The following SQOR variants were observed in gnomAD, a reference collection of about 807,000 sequenced individuals.
SQOR encodes the protein sulfide quinone oxidoreductase.
Under a neutral mutation model 48.6 loss-of-function variants are expected in SQOR, and 39 were observed. That is an observed-to-expected ratio of 0.80 (90% confidence interval 0.62 to 1.05). The LOEUF (loss-of-function observed/expected upper bound fraction) is 1.05, where lower values mean the gene tolerates loss of function less well. Ranked by LOEUF, SQOR falls within the 50% of genes least tolerant of loss-of-function variation. SQOR has a pLI of 0.00. For missense variants in SQOR, 561 were observed against 559.9 expected, an observed-to-expected ratio of 1.00 and a Z score of -0.02; for synonymous variants, 220 against 206.2, an observed-to-expected ratio of 1.07 and a Z score of -0.57.
Position 45,682,496 on chromosome 15 carries a change from A to G in SQOR, c.883A>G (p.Thr295Ala), listed in dbSNP as rs1381681733. ...TGTGTAGTATGAAATGCTTCATGTC[A>G]CACCTCCAATGAGCCCACCAGATGT... ...QVISYEMLHV[T>A]PPMSPPDVLK... Residue 295 changes from threonine to alanine, a missense_variant, in exon 7 of 10, where the codon ACA (threonine) becomes GCA (alanine). Physicochemically the swap from Thr to Ala is moderately conservative, Grantham distance 58. Transcript: ENST00000260324. The G allele has an allele frequency of 6.2e-7, 1 of 1,614,086 alleles. No individual in the cohort carries two copies. Among genetic ancestry groups the G allele is most frequent in the Admixed American group, 1.7e-5 (1 of 59,996 alleles).
chr15:45,661,897 A>G, intron 2 of SQOR, 58 bp from the exon 3 acceptor site: 3 of 1,538,298 alleles, frequency 2.0e-6, no homozygotes, highest in Non-Finnish European at 2.7e-6. Flanking sequence ...ACTGTTAGCT[A>G]TGACCCCTTT....
chr15:45,670,791 G>A (rs1889925772), intron 4 of SQOR, among the ~76,000 whole-genome samples: 1 of 152,190 alleles, frequency 6.6e-6, no homozygotes, highest in South Asian at 2.1e-4. Flanking sequence ...TTGTGGGAAA[G>A]TTCAGAGAAG....
chr15:45,662,600 A>G (rs1889741070), intron 3 of SQOR, among the ~76,000 whole-genome samples: 1 of 152,206 alleles, frequency 6.6e-6, no homozygotes, highest in Non-Finnish European at 1.5e-5. Context: ...TCTGAGGTTC[A>G]TGCCAGCGCT....
chr15:45,644,190 C>T (rs1462522665), intron 1 of SQOR, among the ~76,000 whole-genome samples: 1 of 152,014 alleles, frequency 6.6e-6, no homozygotes. Context: ...CAGGTTCAAG[C>T]GTTTCTCCTG....
intron 1 of SQOR, among the ~76,000 whole-genome samples, chr15:45,648,575 CTTAA>C (rs1055875050): frequency 5.3e-5 from 8 of 152,206 alleles, no homozygotes; most frequent in Non-Finnish European, 1.0e-4. Context: ...TTAGGGCTGA[CTTAA>C]TTAATTAAAT....
At chr15:45,669,553 C>G (rs1889900285) in intron 3 of SQOR, among the ~76,000 whole-genome samples, 1 of 152,210 alleles carries the variant, frequency 6.6e-6, no homozygotes, top group African/African-American at 2.4e-5. Context: ...AATACAAGCA[C>G]TGTACAAATA....
intron 7 of SQOR, among the ~76,000 whole-genome samples, chr15:45,686,056 C>T (rs1342262395): frequency 7.0e-6 from 1 of 141,902 alleles, no homozygotes; most frequent in Non-Finnish European, 1.5e-5. Flanking sequence ...CCCTATGTTG[C>T]CCAAGTCTCA....
At chr15:45,634,074 G>T (rs951072874), upstream of SQOR, among the ~76,000 whole-genome samples, 2 of 150,966 alleles carry the variant, frequency 1.3e-5, no homozygotes, top group African/African-American at 2.4e-5. Context: ...TACTCAGGAG[G>T]CTGAGACACC....
intron 1 of SQOR, among the ~76,000 whole-genome samples, chr15:45,653,647 T>G (rs1028443113): frequency 6.6e-6 from 1 of 151,978 alleles, no homozygotes; most frequent in Non-Finnish European, 1.5e-5. Flanking sequence ...ACGTGTTTGG[T>G]TTTTCTGGTG....
At chr15:45,668,263 A>T (rs1889874814) in intron 3 of SQOR, among the ~76,000 whole-genome samples, 1 of 152,130 alleles carries the variant, frequency 6.6e-6, no homozygotes, top group Non-Finnish European at 1.5e-5. Flanking sequence ...CTTTCTATGG[A>T]TAGGCAAAAC....
intron 3 of SQOR, among the ~76,000 whole-genome samples, chr15:45,667,808 C>T (rs929636554): frequency 2.6e-5 from 4 of 152,258 alleles, no homozygotes; most frequent in South Asian, 2.1e-4. Flanking sequence ...CACTACCAGA[C>T]CCCATGCTAG....
At chr15:45,637,360 T>C (rs1269608292) in intron 1 of SQOR, among the ~76,000 whole-genome samples, 1 of 152,230 alleles carries the variant, frequency 6.6e-6, no homozygotes, top group East Asian at 1.9e-4. Context: ...CACCCAGCAC[T>C]GCACTTAGTG....
upstream of SQOR, among the ~76,000 whole-genome samples, chr15:45,633,672 A>C (rs11637892): frequency 0.25 from 36,401 of 144,446 alleles, 4,758 homozygotes; most frequent in Middle Eastern, 0.35. Flanking sequence ...CCAGCCTGGG[A>C]GACGGAGTGA....
At chr15:45,670,051 C>T (rs1441767516) in intron 4 of SQOR, 70 bp downstream of exon 4, 2 of 1,404,348 alleles carry the variant, frequency 1.4e-6, no homozygotes, top group African/African-American at 2.8e-5. Context: ...CATTTAGTTG[C>T]TTTATTATAT....
chr15:45,663,271 G>A (rs1889753192), intron 3 of SQOR, among the ~76,000 whole-genome samples: 3 of 152,112 alleles, frequency 2.0e-5, no homozygotes, highest in African/African-American at 7.2e-5. Context: ...ACCTGCCTCA[G>A]CCTCCCAAAG....
At chr15:45,646,360 A>T (rs1889341988) in intron 1 of SQOR, among the ~76,000 whole-genome samples, 1 of 152,332 alleles carries the variant, frequency 6.6e-6, no homozygotes, top group East Asian at 1.9e-4. Context: ...TCGTCAGAAA[A>T]AGAATTCATG....
chr15:45,688,492 G>A, intron 8 of SQOR, 88 bp downstream of exon 8: 1 of 956,866 alleles, frequency 1.0e-6, no homozygotes, highest in South Asian at 1.8e-5. Flanking sequence ...TGCACTTTCT[G>A]TCTTTTCTTT....
At chr15:45,665,738 C>G (rs1595502409) in intron 3 of SQOR, among the ~76,000 whole-genome samples, 1 of 152,168 alleles carries the variant, frequency 6.6e-6, no homozygotes, top group Non-Finnish European at 1.5e-5. Flanking sequence ...CATGTGCCAC[C>G]ACGCCCAGCT....
chr15:45,649,512 G>A (rs560119712), intron 1 of SQOR, among the ~76,000 whole-genome samples: 13 of 152,200 alleles, frequency 8.5e-5, no homozygotes, highest in African/African-American at 2.6e-4. Flanking sequence ...GTCTTGCTCT[G>A]TTGCCCAGGC....
Sources: allele counts gnomAD v4.1 joint callset (sites outside exome capture counted in the v4.1 genomes callset), GRCh38; gene constraint gnomAD v4.1.1; transcripts MANE v1.5; gene names NCBI Gene and HGNC (gene_info 2026-07-23, HGNC 2026-07-21).